The following F13A1 variants were observed in gnomAD, a reference collection of about 807,000 sequenced individuals.
F13A1 encodes the protein coagulation factor XIII A chain.
A neutral mutation model predicts 80.1 loss-of-function variants in F13A1; 47 were observed. That is an observed-to-expected ratio of 0.59 (90% confidence interval 0.46 to 0.75). F13A1 has a LOEUF of 0.75. F13A1 is among the 30% of genes least tolerant of loss of function. F13A1 has a pLI of 0.00. For missense variants in F13A1, 817 were observed against 930.4 expected, an observed-to-expected ratio of 0.88 and a Z score of 1.59; for synonymous variants, 349 against 344.9, an observed-to-expected ratio of 1.01 and a Z score of -0.13.
chr6:6,305,313 C>G (rs866435756), intron 3 of F13A1, 38 bp downstream of exon 3: 4 of 1,611,360 alleles, frequency 2.5e-6, no homozygotes, highest in Non-Finnish European at 3.4e-6. Context: ...ACAATGCAAC[C>G]CATGGTGTCA....
intron 6 of F13A1, among the ~76,000 whole-genome samples, chr6:6,236,105 T>C (rs536229907): frequency 4.0e-4 from 61 of 152,240 alleles, no homozygotes; most frequent in African/African-American, 1.4e-3. Context: ...CAAATCAATG[T>C]ATAATGACAG....
At chr6:6,305,291 C>T in intron 3 of F13A1, 60 bp downstream of exon 3, 1 of 1,581,496 alleles carries the variant, frequency 6.3e-7, no homozygotes, top group Non-Finnish European at 8.7e-7. Flanking sequence ...GTGCCTGTAC[C>T]CACCTCTCTC....
intron 9 of F13A1, 134 bp from the exon 10 acceptor site, chr6:6,196,019 C>CT: frequency 1.2e-6 from 1 of 849,772 alleles, no homozygotes; most frequent in South Asian, 1.5e-5. Flanking sequence ...AGCCCAGATG[C>CT]TTTCCAAGGC....
chr6:6,257,270 G>A (rs1307237648), intron 4 of F13A1, among the ~76,000 whole-genome samples: 1 of 152,148 alleles, frequency 6.6e-6, no homozygotes, highest in Non-Finnish European at 1.5e-5. Flanking sequence ...CTAACAGGCT[G>A]TGTGTGCTGT....
chr6:6,266,706 C>A lies in F13A1; in HGVS notation c.423G>T (p.Arg141Ser). The change falls in exon 4 of 15, where the codon AGG (arginine) becomes AGT (serine). Residue 141 changes from arginine (R) to serine (S), a missense_variant. Coordinates refer to ENST00000264870, the MANE Select transcript of F13A1 (RefSeq NM_000129.4). Reference sequence around the variant, plus strand: ...AAGACTGGATGGACAGCCGCACAGACCTGTCCTCTCTCATGACAATCTTGG... The same window carrying A: ...AAGACTGGATGGACAGCCGCACAGAACTGTCCTCTCTCATGACAATCTTGG... ...WGAKIVMREDRSVRLSIQSSP... is the reference protein window; with the variant it reads ...WGAKIVMREDSSVRLSIQSSP... 6.2e-7 allele frequency: 1 copy of A among 1,614,192 alleles called. No homozygotes were observed. The highest frequency in any genetic ancestry group is 8.5e-7 in the Non-Finnish European group (1 of 1,180,046).
At chr6:6,230,082 G>A (rs948819696) in intron 6 of F13A1, among the ~76,000 whole-genome samples, 2 of 152,210 alleles carry the variant, frequency 1.3e-5, no homozygotes, top group African/African-American at 4.8e-5. Context: ...TGAATGGGGT[G>A]AGAAGCCTCC....
chr6:6,178,332 T>C (rs1269421571), intron 11 of F13A1, among the ~76,000 whole-genome samples: 1 of 152,168 alleles, frequency 6.6e-6, no homozygotes, highest in Non-Finnish European at 1.5e-5. Context: ...CACCAGATAA[T>C]ATTTAATTTT....
chr6:6,174,726 A>G lies in F13A1; in HGVS notation c.1601T>C (p.Phe534Ser). The change falls in exon 12 of 15, where the codon TTC (phenylalanine) becomes TCC (serine). Residue 534 changes from phenylalanine to serine, a missense_variant. By Grantham distance (155) the Phe-to-Ser change is radical (BLOSUM62 -2). Transcript: ENST00000264870. Reference protein sequence around the residue: ...EVENAVLGKDFKLSITFRNNS... With the variant: ...EVENAVLGKDSKLSITFRNNS... ...GTTCCGGAAGGTGATGGAGAGCTTG[A>G]AGTCTTTTCCCAGCACAGCATTTTC... 6.2e-7 allele frequency: 1 copy of G among 1,614,154 alleles called. No individual in the cohort carries two copies. Among genetic ancestry groups the G allele is most frequent in the Non-Finnish European group, 8.5e-7 (1 of 1,180,028 alleles).
At chr6:6,175,562 T>G (rs1317126614) in intron 11 of F13A1, among the ~76,000 whole-genome samples, 1 of 152,202 alleles carries the variant, frequency 6.6e-6, no homozygotes, top group African/African-American at 2.4e-5. Flanking sequence ...TCCGGTCAGA[T>G]CCCTTGGAGA....
rs192916821 is a variant in F13A1 at position 6,211,767 on chromosome 6, C to T, written c.1112+10266G>A. On this transcript the variant is annotated intron_variant, in intron 8 of 14. Transcript: ENST00000264870. Reference sequence around the variant, plus strand: ...ATTTCTGCATTTCCATCTGAGGTACCGGGTTCATCTCACTAGGGAGTGCCA... The same window carrying T: ...ATTTCTGCATTTCCATCTGAGGTACTGGGTTCATCTCACTAGGGAGTGCCA... 6.5e-3 allele frequency among the ~76,000 whole-genome samples: 986 copies of T among 152,284 alleles called. 11 individuals carry two copies. The highest frequency in any genetic ancestry group is 0.04 in the South Asian group (192 of 4,828).
At chr6:6,308,972 G>A (rs902396567) in intron 2 of F13A1, among the ~76,000 whole-genome samples, 1 of 151,964 alleles carries the variant, frequency 6.6e-6, no homozygotes, top group African/African-American at 2.4e-5. Context: ...TTGCTATTTG[G>A]CTATATTTAT....
At chr6:6,214,818 A>G (rs2113042714) in intron 8 of F13A1, among the ~76,000 whole-genome samples, 1 of 53,492 alleles carries the variant, frequency 1.9e-5, no homozygotes, top group African/African-American at 8.3e-5. Flanking sequence ...GAAGAATCAA[A>G]TAGACGCAAT....
intron 13 of F13A1, among the ~76,000 whole-genome samples, chr6:6,158,673 T>C (rs4959371): frequency 0.53 from 80,127 of 151,286 alleles, 22,417 homozygotes; most frequent in African/African-American, 0.73. Flanking sequence ...CCACAGAGAG[T>C]GCAGGAGGCT....
intron 4 of F13A1, among the ~76,000 whole-genome samples, chr6:6,254,929 A>C (rs905341337): frequency 5.9e-5 from 9 of 152,266 alleles, no homozygotes; most frequent in African/African-American, 2.2e-4. Context: ...GTTTCCATTT[A>C]AGTGAAGCTA....
At chr6:6,167,676 A>T (rs1419503669) in intron 12 of F13A1, 58 bp from the exon 13 acceptor site, 18 of 1,591,040 alleles carry the variant, frequency 1.1e-5, no homozygotes, top group Non-Finnish European at 1.5e-5. Context: ...GGTCTGCTTT[A>T]CTTTTCTCCA....
intron 3 of F13A1, among the ~76,000 whole-genome samples, chr6:6,294,610 G>C (rs1412846526): frequency 1.3e-5 from 2 of 151,614 alleles, no homozygotes; most frequent in African/African-American, 2.4e-5. Context: ...TATTAGGTCT[G>C]TCCCTCAAGA....
chr6:6,251,671 G>A (rs1278824850), intron 4 of F13A1, among the ~76,000 whole-genome samples: 2 of 152,178 alleles, frequency 1.3e-5, no homozygotes, highest in African/African-American at 4.8e-5. Context: ...GAAAATGTGT[G>A]TGTTTGGGAC....
chr6:6,301,998 T>G (rs933190904), intron 3 of F13A1, among the ~76,000 whole-genome samples: 3 of 152,210 alleles, frequency 2.0e-5, no homozygotes, highest in Admixed American at 2.0e-4. Flanking sequence ...TCCTGAGAGA[T>G]CTCCCCAGTA....
At chr6:6,185,750 C>T (rs1369306249) in intron 10 of F13A1, among the ~76,000 whole-genome samples, 1 of 152,196 alleles carries the variant, frequency 6.6e-6, no homozygotes, top group Non-Finnish European at 1.5e-5. Context: ...AATGGGATGG[C>T]TGGTTCAAAT....
Sources: allele counts gnomAD v4.1 joint callset (sites outside exome capture counted in the v4.1 genomes callset), GRCh38; gene constraint gnomAD v4.1.1; transcripts MANE v1.5; gene names NCBI Gene and HGNC (gene_info 2026-07-23, HGNC 2026-07-21).